Variants in MAN1A1 observed in about 807,000 individuals in gnomAD.
MAN1A1 encodes the protein mannosidase alpha class 1A member 1.
MAN1A1 carries 29 observed loss-of-function variants against 70.8 expected under a neutral mutation model. The ratio of observed to expected loss-of-function variants is 0.41; its 90% CI spans 0.31 to 0.56. The LOEUF (loss-of-function observed/expected upper bound fraction) is 0.56, where lower values mean the gene tolerates loss of function less well. Ranked by LOEUF, MAN1A1 falls within the 20% of genes least tolerant of loss-of-function variation. The pLI, the probability that MAN1A1 is intolerant of heterozygous loss-of-function variation, is 0.29. For synonymous variants in MAN1A1, 349 were observed against 330.1 expected (o/e 1.06, Z -0.62); for missense variants, 747 against 841.3 (o/e 0.89, Z 1.39).
At chr6:119,187,121 G>A (rs1028047473) in intron 11 of MAN1A1, among the ~76,000 whole-genome samples, 9 of 151,932 alleles carry the variant, frequency 5.9e-5, no homozygotes, top group East Asian at 1.9e-4. Context: ...ATACCTTCTC[G>A]GCCATACATT....
At chr6:119,265,721 C>A (rs1249934685) in intron 5 of MAN1A1, among the ~76,000 whole-genome samples, 3 of 151,964 alleles carry the variant, frequency 2.0e-5, no homozygotes. Context: ...ACATCAAGAA[C>A]AAGGCAGGGA....
chr6:119,323,308 G>C (rs1273361280), intron 2 of MAN1A1, among the ~76,000 whole-genome samples: 3 of 152,200 alleles, frequency 2.0e-5, no homozygotes, highest in Non-Finnish European at 4.4e-5. Context: ...AAATGATGCA[G>C]TGGTTATCAT....
At chr6:119,326,050 G>A (rs1054275942) in intron 2 of MAN1A1, among the ~76,000 whole-genome samples, 130 of 152,210 alleles carry the variant, frequency 8.5e-4, no homozygotes, top group South Asian at 4.1e-4. Context: ...TCCAGCCCAT[G>A]CTGAGGTCCG....
chr6:119,271,947 T>C (rs1217240977), intron 5 of MAN1A1, among the ~76,000 whole-genome samples: 1 of 152,156 alleles, frequency 6.6e-6, no homozygotes, highest in African/African-American at 2.4e-5. Flanking sequence ...TCGTATCCTA[T>C]TACTGGAAGG....
chr6:119,322,996 C>A (rs1773056431), intron 2 of MAN1A1, among the ~76,000 whole-genome samples: 3 of 152,158 alleles, frequency 2.0e-5, no homozygotes, highest in African/African-American at 7.2e-5. Flanking sequence ...TTGCCCAAAC[C>A]CTTGAAAGGT....
chr6:119,262,201 T>C (rs1775631354), intron 5 of MAN1A1, among the ~76,000 whole-genome samples: 1 of 152,132 alleles, frequency 6.6e-6, no homozygotes. Context: ...AAACTTAATG[T>C]CAATACTGAA....
Position 119,179,453 on chromosome 6 carries a change from T to A in MAN1A1, c.*366A>T, listed in dbSNP as rs556624745. The A allele has an allele frequency of 3.8e-5, 6 of 157,816 alleles. No homozygotes were observed. In the South Asian group the frequency reaches 5.7e-4, roughly 15 times the overall value. The allele number at this position is 157,816 out of a possible 1,614,324, so 9.8% of individuals were successfully genotyped here. On this transcript the variant is annotated 3_prime_UTR_variant, in exon 13 of 13. Transcript: ENST00000368468. The stretch of plus-strand genomic sequence containing the variant: ...AAAACATTACAGCTTAAAGCAGACA[T>A]CATCTCCTCTTAGAGGAGGAAAAAG...
At chr6:119,249,127 TAA>T (rs1775248704) in intron 5 of MAN1A1, among the ~76,000 whole-genome samples, 1 of 151,932 alleles carries the variant, frequency 6.6e-6, no homozygotes, top group Non-Finnish European at 1.5e-5. Flanking sequence ...GATTGAAAAG[TAA>T]AGAGGGAATC....
chr6:119,187,537 C>T (rs1773323952), intron 11 of MAN1A1, among the ~76,000 whole-genome samples: 1 of 152,140 alleles, frequency 6.6e-6, no homozygotes. Context: ...CCGATGGCTT[C>T]CTAAGATATT....
intron 5 of MAN1A1, among the ~76,000 whole-genome samples, chr6:119,259,191 G>A (rs1582743072): frequency 1.3e-5 from 2 of 152,236 alleles, no homozygotes; most frequent in Middle Eastern, 3.4e-3. Flanking sequence ...ACTTCTCACT[G>A]TTGTATTCAT....
At chr6:119,190,167 C>G (rs1773404650) in intron 9 of MAN1A1, among the ~76,000 whole-genome samples, 1 of 152,178 alleles carries the variant, frequency 6.6e-6, no homozygotes, top group Admixed American at 6.5e-5. Flanking sequence ...AAAACTTTCT[C>G]CTTCCCAAAG....
chr6:119,320,407 C>T lies in MAN1A1; in HGVS notation c.604-13415G>A, dbSNP rs1772974370. On this transcript the variant is annotated intron_variant, in intron 2 of 12. Transcript: ENST00000368468. The stretch of plus-strand genomic sequence containing the variant: ...GTTTTTTTAAAACTAGAGTGATCAG[C>T]TCAAAACTGGGCTATGTACTATTGC... Among the ~76,000 whole-genome samples, 3 of 152,180 alleles carry T rather than the reference C, an allele frequency of 2.0e-5. No homozygotes were observed. The South Asian group carries it at 6.2e-4, about 32-fold the overall frequency.
intron 5 of MAN1A1, among the ~76,000 whole-genome samples, chr6:119,250,679 T>TGTGC (rs1554208633): frequency 3.3e-5 from 5 of 149,610 alleles, no homozygotes; most frequent in African/African-American, 1.2e-4. Context: ...TGTGTGTGCG[T>TGTGC]GTCAGTTACT....
intron 10 of MAN1A1, among the ~76,000 whole-genome samples, chr6:119,189,385 C>T (rs1773377931): frequency 6.6e-6 from 1 of 152,120 alleles, no homozygotes. Flanking sequence ...GAGATAGAGA[C>T]CCTTGCCCAA....
chr6:119,288,530 C>T (rs1442065318), intron 5 of MAN1A1, among the ~76,000 whole-genome samples: 1 of 151,812 alleles, frequency 6.6e-6, no homozygotes, highest in East Asian at 1.9e-4. Flanking sequence ...TTTTCCGGAT[C>T]ACATTCCTAA....
intron 4 of MAN1A1, among the ~76,000 whole-genome samples, chr6:119,297,479 T>C (rs1772248102): frequency 1.3e-5 from 2 of 152,196 alleles, no homozygotes; most frequent in African/African-American, 2.4e-5. Flanking sequence ...TGACTGCGTA[T>C]ATATTTCTCA....
At chr6:119,321,846 T>G (rs2114477552) in intron 2 of MAN1A1, among the ~76,000 whole-genome samples, 1 of 152,210 alleles carries the variant, frequency 6.6e-6, no homozygotes, top group African/African-American at 2.4e-5. Context: ...CTTGAACTCC[T>G]AACCTCAAGG....
rs1166384233 is a variant in MAN1A1, at chr6:119,327,385, TTTTTTG to T, written c.604-20399_604-20394del. 6.6e-4 allele frequency: 80 copies of T among 121,268 alleles called. 2 individuals are homozygous for T. Among genetic ancestry groups the T allele is most frequent in the African/African-American group, 8.4e-4 (27 of 32,096 alleles). 7.5% of individuals were successfully genotyped at this position (121,268 alleles called of 1,614,324 possible). On this transcript the variant is annotated intron_variant, in intron 2 of 12. Coordinates refer to ENST00000368468, the MANE Select transcript of MAN1A1 (RefSeq NM_005907.4). ...AAATTTATGAAGCATTCCGTTTTTT[TTTTTTG>T]TTTTTTTTTTTTTTTTGAGACAGGG... is the stretch of plus-strand genomic sequence containing the variant.
chr6:119,229,147 A>G (rs1774602546), intron 6 of MAN1A1, among the ~76,000 whole-genome samples: 1 of 152,072 alleles, frequency 6.6e-6, no homozygotes, highest in Admixed American at 6.6e-5. Context: ...TGATATTAAG[A>G]TGACTATTTT....
Sources: allele counts gnomAD v4.1 joint callset (sites outside exome capture counted in the v4.1 genomes callset), GRCh38; gene constraint gnomAD v4.1.1; transcripts MANE v1.5; gene names NCBI Gene and HGNC (gene_info 2026-07-23, HGNC 2026-07-21).